HOXA10: variants seen among roughly 807,000 people sequenced by gnomAD.
HOXA10 encodes the protein homeobox A10, also known as homeobox protein Hox-A10.
A neutral mutation model predicts 29.7 loss-of-function variants in HOXA10; 12 were observed. That is an observed-to-expected ratio of 0.40 (90% CI 0.26 to 0.65). HOXA10 has a LOEUF of 0.65. Among genes scored for constraint, HOXA10 ranks in the 30% least tolerant of loss-of-function variants. HOXA10 has a pLI of 0.37. For synonymous variants in HOXA10, 327 were observed against 280.7 expected (o/e 1.16, Z -1.65); for missense variants, 656 against 585.9 (o/e 1.12, Z -1.24).
upstream of HOXA10, chr7:27,174,321 A>C (rs1305373831): frequency 8.1e-6 from 13 of 1,597,488 alleles, no homozygotes; most frequent in East Asian, 4.5e-5. Flanking sequence ...TGTGCAAAAC[A>C]TGCTGAATAC....
upstream of HOXA10, chr7:27,174,342 C>G (rs765521585): frequency 6.3e-7 from 1 of 1,593,674 alleles, no homozygotes; most frequent in Non-Finnish European, 8.5e-7. Flanking sequence ...GATTAGCAAT[C>G]CCCCCGCACC....
chr7:27,174,607 C>A, upstream of HOXA10: 1 of 470,800 alleles, frequency 2.1e-6, no homozygotes, highest in Non-Finnish European at 3.8e-6. Context: ...CGGACGTGAG[C>A]CCCATACCGG....
At position 27,172,128 on chromosome 7, in the gene HOXA10, C is replaced by T. The variant is rs1394760930; in HGVS notation, c.1004G>A (p.Ser335Asn). 1 of 1,613,802 alleles carries T rather than the reference C, an allele frequency of 6.2e-7. No individual in the cohort carries two copies. Residue 335 changes from serine (S) to asparagine (N), a missense_variant, in exon 2 of 2, where the codon AGT becomes AAT. By Grantham distance (46) the Ser-to-Asn change is conservative. This residue lies in a region of HOXA10 where 594 missense variants were observed against 491.9 expected (regional missense o/e 1.21). Coordinates refer to ENST00000283921, the MANE Select transcript of HOXA10 (RefSeq NM_018951.4). Reference sequence around the variant, plus strand: ...GTAGGGGCAGCGCTTCTTCCGACCACTCTTTGCCGTGAGCCAGTTGGCTGC... The same window carrying T: ...GTAGGGGCAGCGCTTCTTCCGACCATTCTTTGCCGTGAGCCAGTTGGCTGC... ...ENAANWLTAK[S>N]GRKKRCPYTK...
At chr7:27,176,406 C>G (rs151293759), upstream of HOXA10, among the ~76,000 whole-genome samples, 75 of 152,356 alleles carry the variant, frequency 4.9e-4, no homozygotes, top group African/African-American at 1.8e-3. Flanking sequence ...AGCTTCAGAG[C>G]ACCGCAGCCA....
chr7:27,179,536 C>A (rs1783714810), intron 1 of HOXA10: 1 of 716,458 alleles, frequency 1.4e-6, no homozygotes, highest in Non-Finnish European at 2.6e-6. Flanking sequence ...GGGCTCCCTA[C>A]CGCGTCACCC....
chr7:27,171,911 A>G lies in HOXA10; in HGVS notation c.1221T>C (p.Phe407=). The G allele has an allele frequency of 6.2e-7, 1 of 1,614,148 alleles. No homozygotes were observed. The highest frequency in any genetic ancestry group is 8.5e-7 in the Non-Finnish European group (1 of 1,180,028). The change falls in exon 2 of 2, where the codon TTT becomes TTC. Residue 407 remains phenylalanine, a synonymous_variant. Coordinates refer to ENST00000283921, the MANE Select transcript of HOXA10 (RefSeq NM_018951.4). The part of the protein sequence containing the change: ...ENRIRELTAN[F]NFS ...GCCTGGAGATTCATCAGGAAAAATT[A>G]AAGTTGGCTGTGAGCTCCCGGATCC...
upstream of HOXA10, among the ~76,000 whole-genome samples, chr7:27,178,995 C>G (rs1190416424): frequency 1.3e-5 from 2 of 152,300 alleles, no homozygotes; most frequent in Admixed American, 6.5e-5. Flanking sequence ...TGCAAAATAT[C>G]TTCTACAAAA....
At position 27,174,154 on chromosome 7, in the gene HOXA10, G is replaced by A; in HGVS notation, c.153C>T (p.Gly51=). 6.3e-7 allele frequency: 1 copy of A among 1,595,296 alleles called. No individual in the cohort carries two copies. ...GGGCGTAGTAACCGCCACCGCCGCC[G>A]CCCCCCGCGCCACCACCACCGCCGC... ...EAGGGGGGAG[G]GGGGGYYAHG... The change falls in exon 1 of 2, where the codon GGC becomes GGT. Residue 51 remains glycine, a synonymous_variant. Coordinates refer to ENST00000283921, the MANE Select transcript of HOXA10 (RefSeq NM_018951.4).
chr7:27,171,348 G>GT lies in HOXA10; in HGVS notation c.*550dup. The GT allele has an allele frequency of 2.2e-6, 1 of 454,364 alleles. No homozygotes were observed. Among genetic ancestry groups the GT allele is most frequent in the Non-Finnish European group, 4.4e-6 (1 of 226,846 alleles). The allele number at this position is 454,364 out of a possible 1,614,324, so 28.1% of individuals were successfully genotyped here. On this transcript the variant is annotated 3_prime_UTR_variant, in exon 2 of 2. Coordinates refer to ENST00000283921, the MANE Select transcript of HOXA10 (RefSeq NM_018951.4). ...TTTGCCAACCTGCATGTCCATGCCTGTAAGCCCTTCTCTTGGCCAAGGAAG... is the reference window on the plus strand; with the variant it reads ...TTTGCCAACCTGCATGTCCATGCCTGTTAAGCCCTTCTCTTGGCCAAGGAAG...
chr7:27,176,813 A>G (rs1469647298), upstream of HOXA10, among the ~76,000 whole-genome samples: 4 of 152,210 alleles, frequency 2.6e-5, no homozygotes, highest in African/African-American at 9.6e-5. Context: ...ATCTTTCCTA[A>G]CCTTTTAGGG....
In HOXA10 at chr7:27,171,474, T is replaced by C. The variant is rs766911997; in HGVS notation, c.*425A>G. Reference sequence around the variant, plus strand: ...GCCCGGTGGCGGCTCCTTTGCACCATTGACCTCAGGCCAGACACCTCAGCG... The same window carrying C: ...GCCCGGTGGCGGCTCCTTTGCACCACTGACCTCAGGCCAGACACCTCAGCG... On this transcript the variant is annotated 3_prime_UTR_variant, in exon 2 of 2. Transcript: ENST00000283921. 3.3e-5 allele frequency: 15 copies of C among 458,052 alleles called. No homozygotes were observed. The highest frequency in any genetic ancestry group is 9.3e-5 in the South Asian group (6 of 64,508). The allele number at this position is 458,052 out of a possible 1,614,324, so 28.4% of individuals were successfully genotyped here.
chr7:27,175,700 C>T (rs1156420532), upstream of HOXA10, among the ~76,000 whole-genome samples: 1 of 152,198 alleles, frequency 6.6e-6, no homozygotes, highest in Non-Finnish European at 1.5e-5. Flanking sequence ...CTGCCTTGCC[C>T]CTGGCCCGTG....
rs1237862573 is a variant in HOXA10, at chr7:27,171,570, C to T, written c.*329G>A. ...GGCAGGAAACCAGCTCGGCCGAAGA[C>T]AGGGGCCATTTCGAGCAGTGGGACC... On this transcript the variant is annotated 3_prime_UTR_variant, in exon 2 of 2. Transcript: ENST00000283921. 2 of 498,824 alleles carry T rather than the reference C, an allele frequency of 4.0e-6. No individual in the cohort carries two copies. The highest frequency in any genetic ancestry group is 5.5e-5 in the East Asian group (1 of 18,302). The allele number at this position is 498,824 out of a possible 1,614,324, so 30.9% of individuals were successfully genotyped here. A position where few individuals can be genotyped will look rare whatever the true frequency, so the allele number is the denominator to read the frequency against.
At chr7:27,173,317 G>C (rs777673039) in intron 1 of HOXA10, 32 bp downstream of exon 1, 2 of 1,610,288 alleles carry the variant, frequency 1.2e-6, no homozygotes, top group African/African-American at 1.3e-5. Flanking sequence ...CTGTCTGCCC[G>C]CCTGACTGCA....
At chr7:27,176,368 A>G (rs1437228829), upstream of HOXA10, among the ~76,000 whole-genome samples, 2 of 152,222 alleles carry the variant, frequency 1.3e-5, no homozygotes, top group Non-Finnish European at 2.9e-5. Context: ...CTCTAGGCCC[A>G]TGAGACGGAC....
Position 27,171,783 on chromosome 7 carries a change from G to A in HOXA10, c.*116C>T, listed in dbSNP as rs780858123. ...GATGTAACGGCCCAGGAGATGGCGA[G>A]TGTGGGAGGGAGGAACAGGGCTCCA... On this transcript the variant is annotated 3_prime_UTR_variant, in exon 2 of 2. Transcript: ENST00000283921. 9.7e-7 allele frequency: 1 copy of A among 1,026,340 alleles called. No homozygotes were observed. The highest frequency in any genetic ancestry group is 1.6e-5 in the African/African-American group (1 of 63,664). 63.6% of individuals were successfully genotyped at this position (1,026,340 alleles called of 1,614,324 possible). A position where few individuals can be genotyped will look rare whatever the true frequency, so the allele number is the denominator to read the frequency against.
Position 27,174,033 on chromosome 7 carries a change from C to G in HOXA10, c.274G>C (p.Ala92Pro), listed in dbSNP as rs1302826758. Residue 92 changes from alanine to proline, a missense_variant, in exon 1 of 2, where the codon GCG (alanine) becomes CCG (proline). By Grantham distance (27) the Ala-to-Pro change is conservative (BLOSUM62 -1). Transcript: ENST00000283921. ...CCACCGCCACCGCTGCCCGGCGACG[C>G]TGCCTCATTGCGCTTGCCGCCCAGC... Reference protein sequence around the residue: ...PTLGGKRNEAASPGSGGGGGG... With the variant: ...PTLGGKRNEAPSPGSGGGGGG... 3.9e-6 allele frequency: 6 copies of G among 1,535,024 alleles called. No homozygotes were observed. Among genetic ancestry groups the G allele is most frequent in the Middle Eastern group, 4.0e-4 (2 of 4,960 alleles).
Position 27,173,299 on chromosome 7 carries a change from G to GTGTCTGCC in HOXA10, c.958+42_958+49dup, listed in dbSNP as rs753108552. On this transcript the variant is annotated intron_variant, in intron 1 of 1. Coordinates refer to ENST00000283921, the MANE Select transcript of HOXA10 (RefSeq NM_018951.4). ...TAGTTTTCTGATCCTTCTCCTCCTT[G>GTGTCTGCC]TGTCTGCCTGTCTGCCCGCCTGACT... 4 of 1,607,646 alleles carry GTGTCTGCC rather than the reference G, an allele frequency of 2.5e-6. No individual in the cohort carries two copies. The Admixed American group carries it at 6.7e-5, about 27-fold the overall frequency.
chr7:27,172,172 G>A lies in HOXA10; in HGVS notation c.960C>T (p.Gly320=). 6.2e-7 allele frequency: 1 copy of A among 1,613,804 alleles called. No homozygotes were observed. Among genetic ancestry groups the A allele is most frequent in the East Asian group, 2.2e-5 (1 of 44,882 alleles). ...TGGCTGCGTTTTCACCTTTGGAATT[G>A]CCTGGCATGTAAGAGAATAAAGAGG... is the stretch of plus-strand genomic sequence containing the variant. ...SKASPEKDSL[G]NSKGENAANW... Residue 320 remains glycine, a splice_region_variant and synonymous_variant, in exon 2 of 2, where the codon GGC becomes GGT. Coordinates refer to ENST00000283921, the MANE Select transcript of HOXA10 (RefSeq NM_018951.4).
Sources: allele counts gnomAD v4.1 joint callset (sites outside exome capture counted in the v4.1 genomes callset), GRCh38; gene constraint gnomAD v4.1.1; regional missense constraint gnomAD v4.1.1; transcripts MANE v1.5; gene names NCBI Gene and HGNC (gene_info 2026-07-23, HGNC 2026-07-21).